The following CADM3 variants were observed in gnomAD, a reference collection of about 807,000 sequenced individuals.
The protein encoded by CADM3 is TSLC1-like 1.
CADM3 carries 11 observed loss-of-function variants against 44.9 expected under a neutral mutation model. The ratio of observed to expected loss-of-function variants is 0.25; its 90% CI spans 0.15 to 0.41. CADM3 has a LOEUF of 0.41. Among genes scored for constraint, CADM3 ranks in the 10% least tolerant of loss-of-function variants. The pLI is 1.00. For synonymous variants in CADM3, 207 were observed against 205.2 expected (o/e 1.01, Z -0.08); for missense variants, 426 against 512.0 (o/e 0.83, Z 1.62).
Position 159,202,553 on chromosome 1 carries a change from C to T in CADM3, c.*1631C>T, listed in dbSNP as rs187276340. ...GGGTCCCCACCCTTCCTTTTGATTTCCTGTCTTCCTTCTCGTGGCCCCAGC... is the reference window on the plus strand; with the variant it reads ...GGGTCCCCACCCTTCCTTTTGATTTTCTGTCTTCCTTCTCGTGGCCCCAGC... On this transcript the variant is annotated 3_prime_UTR_variant, in exon 9 of 9. Coordinates refer to ENST00000368125, the MANE Select transcript of CADM3 (RefSeq NM_001127173.3). 2.1e-3 allele frequency: 321 copies of T among 152,750 alleles called. 1 individual carries two copies. In the Middle Eastern group the frequency reaches 0.03, roughly 14 times the overall value. The allele number at this position is 152,750 out of a possible 1,614,324, so 9.5% of individuals were successfully genotyped here. A position where few individuals can be genotyped will look rare whatever the true frequency, so the allele number is the denominator to read the frequency against.
intron 1 of CADM3, among the ~76,000 whole-genome samples, chr1:159,187,847 A>T (rs1393239007): frequency 6.6e-6 from 1 of 152,080 alleles, no homozygotes; most frequent in African/African-American, 2.4e-5. Flanking sequence ...TGTGCACAGA[A>T]GGTAGTAGGG....
chr1:159,187,070 T>C (rs1049783427), intron 1 of CADM3, among the ~76,000 whole-genome samples: 2 of 152,068 alleles, frequency 1.3e-5, no homozygotes, highest in Non-Finnish European at 2.9e-5. Context: ...GAAAGAAATA[T>C]GAGCAAGGAG....
At chr1:159,179,501 C>G (rs1475738339) in intron 1 of CADM3, among the ~76,000 whole-genome samples, 1 of 152,204 alleles carries the variant, frequency 6.6e-6, no homozygotes, top group Non-Finnish European at 1.5e-5. Context: ...GTCTCAGGCA[C>G]TCATCTGTAG....
intron 1 of CADM3, among the ~76,000 whole-genome samples, chr1:159,188,918 G>A (rs776591942): frequency 1.3e-5 from 2 of 152,202 alleles, no homozygotes; most frequent in Non-Finnish European, 2.9e-5. Flanking sequence ...AAGGCGTTAG[G>A]AGCCACCTTA....
At chr1:159,189,849 G>A (rs1346292274) in intron 1 of CADM3, 1 of 1,603,566 alleles carries the variant, frequency 6.2e-7, no homozygotes, top group East Asian at 2.2e-5. Context: ...GTCTGGAGCA[G>A]CCCTGACATG....
In CADM3 at chr1:159,200,973, G is replaced by A. The variant is rs1354174006; in HGVS notation, c.*51G>A. On this transcript the variant is annotated 3_prime_UTR_variant, in exon 9 of 9. Transcript: ENST00000368125. ...CCCAGGGGCCCTGTGGGGACTGCTG[G>A]GGCCGTCACCAACCCGGACTTGTAC... is the stretch of plus-strand genomic sequence containing the variant. The A allele has an allele frequency of 7.2e-7, 1 of 1,395,210 alleles. No individual in the cohort carries two copies. Among genetic ancestry groups the A allele is most frequent in the Non-Finnish European group, 9.8e-7 (1 of 1,023,292 alleles). 86.4% of individuals were successfully genotyped at this position (1,395,210 alleles called of 1,614,324 possible). A position where few individuals can be genotyped will look rare whatever the true frequency, so the allele number is the denominator to read the frequency against.
At chr1:159,193,778 C>T (rs1649772131) in intron 4 of CADM3, 92 bp from the exon 5 acceptor site, 1 of 1,541,552 alleles carries the variant, frequency 6.5e-7, no homozygotes, top group South Asian at 1.2e-5. Context: ...ATCTGTACGT[C>T]TACAATGAGG....
chr1:159,200,432 C>T (rs1191952987), intron 8 of CADM3, among the ~76,000 whole-genome samples: 1 of 152,162 alleles, frequency 6.6e-6, no homozygotes, highest in Non-Finnish European at 1.5e-5. Context: ...ATCTCAATTG[C>T]TTTGCTCATG....
intron 7 of CADM3, among the ~76,000 whole-genome samples, chr1:159,198,428 C>G (rs1366269628): frequency 6.6e-6 from 1 of 152,144 alleles, no homozygotes; most frequent in Non-Finnish European, 1.5e-5. Context: ...TCTGCTTCCT[C>G]CAAGTTACAC....
chr1:159,189,698 G>A (rs1267290260), intron 1 of CADM3: 57 of 1,143,318 alleles, frequency 5.0e-5, no homozygotes, highest in Non-Finnish European at 7.3e-5. Context: ...CACATGCCCA[G>A]CAATGAAAGT....
chr1:159,186,248 T>C (rs1557933105), intron 1 of CADM3, among the ~76,000 whole-genome samples: 1 of 152,176 alleles, frequency 6.6e-6, no homozygotes, highest in Non-Finnish European at 1.5e-5. Flanking sequence ...AAGCTCGGCA[T>C]CAGACTGTAC....
At chr1:159,195,440 G>C (rs1649847008) in intron 5 of CADM3, 1 of 152,204 alleles carries the variant, frequency 6.6e-6, no homozygotes, top group Admixed American at 6.5e-5. Flanking sequence ...TTGGTCCCCT[G>C]CCTGAGCCCC....
Position 159,171,730 on chromosome 1 carries a change from G to T in CADM3, c.-36G>T. 1.6e-6 allele frequency: 2 copies of T among 1,225,682 alleles called. No homozygotes were observed. The highest frequency in any genetic ancestry group is 2.0e-6 in the Non-Finnish European group (2 of 982,190). 75.9% of individuals were successfully genotyped at this position (1,225,682 alleles called of 1,614,324 possible). On this transcript the variant is annotated 5_prime_UTR_variant, in exon 1 of 9. Transcript: ENST00000368125. ...CCCCAGCCCCCGGGGATTCAGGCTC[G>T]CCAGCGCCCAGCCAGGGAGCCGGCC...
intron 1 of CADM3, chr1:159,189,820 C>T (rs758913293): frequency 1.3e-5 from 21 of 1,607,606 alleles, no homozygotes; most frequent in Admixed American, 6.7e-5. Context: ...CTCCACTCGA[C>T]GAGGCCATCA....
chr1:159,187,519 G>A (rs1372781017), intron 1 of CADM3, among the ~76,000 whole-genome samples: 3 of 152,190 alleles, frequency 2.0e-5, no homozygotes, highest in Admixed American at 1.3e-4. Context: ...TATCTCTTGA[G>A]TTTGTTTTGA....
chr1:159,192,722 C>T lies in CADM3; in HGVS notation c.374C>T (p.Thr125Ile), dbSNP rs1231860331. 6.2e-7 allele frequency: 1 copy of T among 1,613,412 alleles called. No homozygotes were observed. The highest frequency in any genetic ancestry group is 1.3e-5 in the African/African-American group (1 of 75,018). Residue 125 changes from threonine (T) to isoleucine (I), a missense_variant, in exon 3 of 9, where the codon ACT becomes ATT. Transcript: ENST00000368125. ...MPVRTAKSLV[T>I]VLGIPQKPII... Reference sequence around the variant, plus strand: ...GTGCGAACTGCCAAGTCCCTCGTCACTGTGCTAGGTGAGACTCCCAAACCC... The same window carrying T: ...GTGCGAACTGCCAAGTCCCTCGTCATTGTGCTAGGTGAGACTCCCAAACCC...
chr1:159,196,795 C>G (rs1649915752), intron 6 of CADM3, 96 bp from the exon 7 acceptor site: 1 of 1,230,648 alleles, frequency 8.1e-7, no homozygotes, highest in Admixed American at 2.3e-5. Flanking sequence ...CCTCATCAAA[C>G]AGTCCTTGAC....
intron 8 of CADM3, 112 bp from the exon 9 acceptor site, chr1:159,200,692 C>A: frequency 1.4e-6 from 1 of 718,302 alleles, no homozygotes; most frequent in Non-Finnish European, 2.3e-6. Flanking sequence ...GAGCTATTGG[C>A]AAGAGAAAAA....
At chr1:159,196,336 T>G (rs759640930) in intron 5 of CADM3, 28 bp from the exon 6 acceptor site, 1 of 1,584,366 alleles carries the variant, frequency 6.3e-7, no homozygotes, top group African/African-American at 1.3e-5. Flanking sequence ...TGGGGAGGTA[T>G]TCATTGATAC....
Sources: gnomAD v4.1 joint callset for allele counts (sites outside exome capture counted in the v4.1 genomes callset) on GRCh38, gnomAD v4.1.1 for gene constraint, MANE v1.5 for transcripts, NCBI Gene and HGNC (gene_info 2026-07-23, HGNC 2026-07-21) for gene names.